The following TM2D1 variants were observed in gnomAD, a reference collection of about 807,000 sequenced individuals.
The protein encoded by TM2D1 is TM2 domain-containing protein 1.
A neutral mutation model predicts 28.4 loss-of-function variants in TM2D1; 15 were observed. That is an observed-to-expected ratio of 0.53 (90% CI 0.35 to 0.81). The LOEUF is 0.81. TM2D1 is among the 40% of genes least tolerant of loss of function. TM2D1 has a pLI of 0.01. For synonymous variants in TM2D1, 93 were observed against 96.2 expected (o/e 0.97, Z 0.20); for missense variants, 236 against 254.9 (o/e 0.93, Z 0.50).
chr1:61,717,988 T>C (rs543035133), intron 2 of TM2D1, among the ~76,000 whole-genome samples: 2 of 152,128 alleles, frequency 1.3e-5, no homozygotes, highest in South Asian at 2.1e-4. Context: ...CACTTCAGCC[T>C]GGGCTACAAA....
intron 4 of TM2D1, among the ~76,000 whole-genome samples, chr1:61,696,660 CT>C (rs1644365317): frequency 1.3e-5 from 2 of 151,998 alleles, no homozygotes; most frequent in Admixed American, 6.6e-5. Context: ...AGGGCTTTGG[CT>C]TTTTTTGTGC....
intron 2 of TM2D1, among the ~76,000 whole-genome samples, chr1:61,718,659 A>G (rs760374615): frequency 1.4e-4 from 21 of 152,202 alleles, no homozygotes; most frequent in Non-Finnish European, 2.6e-4. Flanking sequence ...GGAGAAAGAG[A>G]TAGTTATCAT....
intron 5 of TM2D1, among the ~76,000 whole-genome samples, chr1:61,684,773 C>T (rs1239764031): frequency 2.6e-5 from 4 of 151,896 alleles, no homozygotes; most frequent in African/African-American, 9.7e-5. Flanking sequence ...TTCTCTCTTT[C>T]ATTTGTTTGT....
At chr1:61,717,579 T>G (rs1644531531) in intron 2 of TM2D1, among the ~76,000 whole-genome samples, 2 of 152,092 alleles carry the variant, frequency 1.3e-5, no homozygotes. Context: ...TTTGTTTGAC[T>G]GGTTTCTTTT....
chr1:61,722,929 A>T (rs1006702919), intron 2 of TM2D1, among the ~76,000 whole-genome samples: 1 of 152,168 alleles, frequency 6.6e-6, no homozygotes, highest in Admixed American at 6.6e-5. Flanking sequence ...AAATAAAAAT[A>T]AAAAAAGTAT....
At chr1:61,715,915 C>T (rs1195371000) in intron 2 of TM2D1, among the ~76,000 whole-genome samples, 1 of 150,800 alleles carries the variant, frequency 6.6e-6, no homozygotes, top group Non-Finnish European at 1.5e-5. Flanking sequence ...CATTCTCCTG[C>T]CTCAGCCTCC....
chr1:61,723,607 T>A (rs149755904), intron 2 of TM2D1, 106 bp downstream of exon 2: 108 of 536,946 alleles, frequency 2.0e-4, no homozygotes, highest in Non-Finnish European at 3.2e-4. Context: ...AATAATGTTA[T>A]CATTTAGAAA....
At chr1:61,685,288 C>T (rs1644277308) in intron 5 of TM2D1, among the ~76,000 whole-genome samples, 2 of 152,144 alleles carry the variant, frequency 1.3e-5, no homozygotes, top group African/African-American at 4.8e-5. Context: ...CTGTTGGATA[C>T]ATTTCAAAAT....
chr1:61,712,992 A>C (rs151132760), intron 2 of TM2D1, among the ~76,000 whole-genome samples: 1 of 151,140 alleles, frequency 6.6e-6, no homozygotes, highest in African/African-American at 2.4e-5. Context: ...CAACATGGTG[A>C]AACCCTGTCT....
At chr1:61,709,622 G>T (rs1206316485) in intron 2 of TM2D1, among the ~76,000 whole-genome samples, 185 bp from the exon 3 acceptor site, 2 of 152,122 alleles carry the variant, frequency 1.3e-5, no homozygotes, top group Non-Finnish European at 2.9e-5. Context: ...ACATAAAATT[G>T]TATAGTAGTC....
intron 2 of TM2D1, among the ~76,000 whole-genome samples, chr1:61,716,950 T>C (rs1644526582): frequency 6.6e-6 from 1 of 152,042 alleles, no homozygotes; most frequent in African/African-American, 2.4e-5. Context: ...AGACTAAAAC[T>C]CATTACCCTT....
At chr1:61,707,729 A>C (rs895413957) in intron 3 of TM2D1, among the ~76,000 whole-genome samples, 1 of 152,200 alleles carries the variant, frequency 6.6e-6, no homozygotes, top group African/African-American at 2.4e-5. Context: ...TCATTAACTC[A>C]ATGAGGTAGG....
chr1:61,709,429 A>G lies in TM2D1; in HGVS notation c.247T>C (p.Phe83Leu). Residue 83 changes from phenylalanine to leucine, a missense_variant, in exon 3 of 7, where the codon TTT becomes CTT. Physicochemically the swap from Phe to Leu is conservative, Grantham distance 22. Around this residue, in one of 3 missense-constraint regions of TM2D1, gnomAD observed 167 missense variants for 162.7 expected, o/e 1.03. Coordinates refer to ENST00000606498, the MANE Select transcript of TM2D1 (RefSeq NM_032027.3). Reference protein sequence around the residue: ...CTNYTAHVSCFPAPNITCKDS... With the variant: ...CTNYTAHVSCLPAPNITCKDS... ...TTACAAGTTATGTTGGGTGCTGGAA[A>G]ACAGGAAACTGAAGGCAGAAAAAGT... is the stretch of plus-strand genomic sequence containing the variant. The G allele has an allele frequency of 6.2e-7, 1 of 1,611,802 alleles. No homozygotes were observed. The highest frequency in any genetic ancestry group is 8.5e-7 in the Non-Finnish European group (1 of 1,178,370).
At chr1:61,702,259 T>C (rs1470819460) in intron 3 of TM2D1, among the ~76,000 whole-genome samples, 1 of 151,858 alleles carries the variant, frequency 6.6e-6, no homozygotes, top group Non-Finnish European at 1.5e-5. Flanking sequence ...ACTGGTGCCA[T>C]TCAATGAGAC....
chr1:61,695,520 T>C lies in TM2D1; in HGVS notation c.440-750A>G, dbSNP rs145278444. ...GATTAATCTCTTATGAATTTAAACT[T>C]GAGTTTCTTACAAGACATCTCATAT... On this transcript the variant is annotated intron_variant, in intron 4 of 6. Coordinates refer to ENST00000606498, the MANE Select transcript of TM2D1 (RefSeq NM_032027.3). Among the ~76,000 whole-genome samples the C allele has an allele frequency of 1.3e-3, 201 of 152,296 alleles. 6 individuals carry two copies. The East Asian group carries it at 0.037, about 28-fold the overall frequency.
In TM2D1 at chr1:61,723,763, AT is replaced by A; in HGVS notation, c.187del (p.Ile63Ter). The A allele has an allele frequency of 2.6e-6, 4 of 1,550,396 alleles. No individual in the cohort carries two copies. Among genetic ancestry groups the A allele is most frequent in the East Asian group, 2.3e-5 (1 of 43,336 alleles). Reference sequence around the variant, plus strand: ...AACTGGTTCTTGCGTAGCGTCATTTATTTTTGGATCTTTACAAATATATGTA... The same window carrying A: ...AACTGGTTCTTGCGTAGCGTCATTTATTTTGGATCTTTACAAATATATGTA... Reference protein sequence around the residue: ...VGQYICKDPKINDATQEPVNC... With the variant: ...VGQYICKDPKXNDATQEPVNC... On this transcript the variant is annotated frameshift_variant, in exon 2 of 7. Coordinates refer to ENST00000606498, the MANE Select transcript of TM2D1 (RefSeq NM_032027.3). LOFTEE classifies it high-confidence loss of function.
chr1:61,707,722 T>C (rs544805099), intron 3 of TM2D1, among the ~76,000 whole-genome samples: 7 of 152,218 alleles, frequency 4.6e-5, no homozygotes, highest in Non-Finnish European at 8.8e-5. Flanking sequence ...AAGCCCCTCA[T>C]TAACTCAATG....
intron 2 of TM2D1, among the ~76,000 whole-genome samples, chr1:61,712,539 T>C (rs933712368): frequency 6.6e-6 from 1 of 152,082 alleles, no homozygotes; most frequent in Non-Finnish European, 1.5e-5. Context: ...GCCTCTCCAG[T>C]AGCTGGGATT....
intron 5 of TM2D1, among the ~76,000 whole-genome samples, chr1:61,692,960 AG>A (rs1557527787): frequency 6.6e-6 from 1 of 152,156 alleles, no homozygotes; most frequent in African/African-American, 2.4e-5. Context: ...AAACAACTAG[AG>A]GCCAGGTGCA....
Sources: gnomAD v4.1 joint callset for allele counts (sites outside exome capture counted in the v4.1 genomes callset) on GRCh38, gnomAD v4.1.1 for gene constraint, gnomAD v4.1.1 regional missense constraint, MANE v1.5 for transcripts, NCBI Gene and HGNC (gene_info 2026-07-23, HGNC 2026-07-21) for gene names.